SLC14A2: variants seen among roughly 807,000 people sequenced by gnomAD.
The protein encoded by SLC14A2 is solute carrier family 14 member 2, also known as urea transporter 2.
In SLC14A2, 91 loss-of-function variants were observed where a neutral mutation model predicts 104.6. The ratio of observed to expected loss-of-function variants is 0.87; its 90% confidence interval spans 0.73 to 1.04. The LOEUF (loss-of-function observed/expected upper bound fraction) is 1.04. Ranked by LOEUF, SLC14A2 falls within the 50% of genes least tolerant of loss-of-function variation. SLC14A2 has a pLI of 0.00. For synonymous variants in SLC14A2, 476 were observed against 466.4 expected, an observed-to-expected ratio of 1.02 and a Z score of -0.27; for missense variants, 1,189 against 1,156.0, an observed-to-expected ratio of 1.03 and a Z score of -0.41.
intron 1 of SLC14A2, among the ~76,000 whole-genome samples, chr18:45,367,485 A>G (rs1450131704): frequency 6.6e-6 from 1 of 152,210 alleles, no homozygotes; most frequent in Admixed American, 6.5e-5. Context: ...CCCATTTTAA[A>G]TGGCACATTG....
At chr18:45,540,630 A>C (rs927853439) in intron 2 of SLC14A2, among the ~76,000 whole-genome samples, 3 of 152,130 alleles carry the variant, frequency 2.0e-5, no homozygotes. Flanking sequence ...CTATAATCCC[A>C]GCTACTCAGG....
intron 1 of SLC14A2, among the ~76,000 whole-genome samples, chr18:45,371,737 A>T (rs967600310): frequency 1.3e-5 from 2 of 152,242 alleles, no homozygotes; most frequent in Admixed American, 6.5e-5. Context: ...TAGCCCAGAG[A>T]AGAAGCTCAA....
At chr18:45,444,186 G>C (rs975983703) in intron 1 of SLC14A2, among the ~76,000 whole-genome samples, 2 of 152,202 alleles carry the variant, frequency 1.3e-5, no homozygotes, top group African/African-American at 4.8e-5. Flanking sequence ...CTGTTCTAAG[G>C]TTTTCTGAGG....
At chr18:45,194,781 G>T in the SLC14A2 span, among the ~76,000 whole-genome samples, 1 of 151,676 alleles carries the variant, frequency 6.6e-6, no homozygotes, top group Non-Finnish European at 1.5e-5. Flanking sequence ...GAGTAGCTGG[G>T]ACTACAGGCA....
In SLC14A2 at chr18:45,627,004, C is replaced by T. The variant is rs150807219; in HGVS notation, c.378C>T (p.Thr126=). 26 of 1,612,716 alleles carry T rather than the reference C, an allele frequency of 1.6e-5. No homozygotes were observed. Among genetic ancestry groups the T allele is most frequent in the African/African-American group, 5.3e-5 (4 of 75,006 alleles). ...TCATAGACTGGGTCCTGAGAGGGAC[C>T]GCTCAGGTGATGTTCATCAACAATC... ...LQFIDWVLRG[T]AQVMFINNPL... Residue 126 remains threonine, a synonymous_variant, in exon 4 of 20, where the codon ACC becomes ACT. Coordinates refer to ENST00000255226, the MANE Select transcript of SLC14A2 (RefSeq NM_007163.4).
intron 1 of SLC14A2, among the ~76,000 whole-genome samples, chr18:45,464,177 T>C (rs1392995502): frequency 6.6e-6 from 1 of 152,198 alleles, no homozygotes; most frequent in Non-Finnish European, 1.5e-5. Context: ...AAAACGAACA[T>C]TTCCTCAGGA....
At chr18:45,653,799 T>A (rs1456649214) in intron 10 of SLC14A2, among the ~76,000 whole-genome samples, 2 of 152,160 alleles carry the variant, frequency 1.3e-5, no homozygotes, top group African/African-American at 2.4e-5. Flanking sequence ...TATTGGGCTG[T>A]GCAGAAATTT....
At chr18:45,173,898 A>G in the SLC14A2 span, among the ~76,000 whole-genome samples, 6 of 152,204 alleles carry the variant, frequency 3.9e-5, no homozygotes, top group East Asian at 1.9e-4. Flanking sequence ...AAGTAGTGCA[A>G]CCTGTCTCAG....
intron 6 of SLC14A2, among the ~76,000 whole-genome samples, chr18:45,637,890 C>G (rs948755384): frequency 6.6e-6 from 1 of 152,210 alleles, no homozygotes; most frequent in South Asian, 2.1e-4. Context: ...GCACACCTGA[C>G]TGCCCTTCAC....
At chr18:45,435,306 G>A (rs2086578771) in intron 1 of SLC14A2, 1 of 152,180 alleles carries the variant, frequency 6.6e-6, no homozygotes, top group Admixed American at 6.6e-5. Context: ...AAACATGCTA[G>A]CAGGAAGATA....
chr18:45,185,042 G>A, the SLC14A2 span, among the ~76,000 whole-genome samples: 1 of 152,206 alleles, frequency 6.6e-6, no homozygotes, highest in Non-Finnish European at 1.5e-5. Flanking sequence ...AAGTAGGAGT[G>A]AGGAAAAGTG....
At chr18:45,177,690 A>G in the SLC14A2 span, among the ~76,000 whole-genome samples, 1 of 152,154 alleles carries the variant, frequency 6.6e-6, no homozygotes, top group African/African-American at 2.4e-5. Context: ...ACAATATACA[A>G]TAATTCACAA....
intron 1 of SLC14A2, among the ~76,000 whole-genome samples, chr18:45,432,832 C>A (rs935178543): frequency 6.6e-6 from 1 of 152,136 alleles, no homozygotes; most frequent in South Asian, 2.1e-4. Context: ...TACTGCCTGA[C>A]CCTGAGTCAT....
At chr18:45,532,336 T>G (rs187541454) in intron 2 of SLC14A2, among the ~76,000 whole-genome samples, 4 of 152,364 alleles carry the variant, frequency 2.6e-5, no homozygotes, top group African/African-American at 9.6e-5. Context: ...CCAATGAGCA[T>G]GGAATGTTCT....
the SLC14A2 span, among the ~76,000 whole-genome samples, chr18:45,192,527 C>T: frequency 6.6e-6 from 1 of 152,142 alleles, no homozygotes; most frequent in African/African-American, 2.4e-5. Context: ...TTTTATATCC[C>T]CACAGCAGTG....
At chr18:45,302,724 T>A (rs2084980361) in intron 1 of SLC14A2, among the ~76,000 whole-genome samples, 1 of 152,222 alleles carries the variant, frequency 6.6e-6, no homozygotes, top group Admixed American at 6.5e-5. Context: ...TGTACAGCAA[T>A]GCACTATGGG....
chr18:45,681,699 G>GCACACATCCCCCAATGGC (rs2046311342), intron 19 of SLC14A2, among the ~76,000 whole-genome samples: 1 of 152,120 alleles, frequency 6.6e-6, no homozygotes, highest in South Asian at 2.1e-4. Context: ...TACTTCTACT[G>GCACACATCCCCCAATGGC]CACACATCCC....
Position 45,671,137 on chromosome 18 carries a change from G to A in SLC14A2, c.2229+1639G>A, listed in dbSNP as rs529688141. On this transcript the variant is annotated intron_variant, in intron 16 of 19. Coordinates refer to ENST00000255226, the MANE Select transcript of SLC14A2 (RefSeq NM_007163.4). ...CTTGCTCTAAGTGGCATGCTATGGG[G>A]AAATGATGTCAGAAAATGCAGATTT... is the stretch of plus-strand genomic sequence containing the variant. 1.1e-3 allele frequency among the ~76,000 whole-genome samples: 172 copies of A among 152,244 alleles called. 1 individual carries two copies. The highest frequency in any genetic ancestry group is 4.0e-3 in the African/African-American group (167 of 41,538).
chr18:45,413,078 G>T (rs1302913494), intron 1 of SLC14A2, among the ~76,000 whole-genome samples: 1 of 152,160 alleles, frequency 6.6e-6, no homozygotes, highest in Non-Finnish European at 1.5e-5. Flanking sequence ...TCATTAGGGA[G>T]AAGATAAAGA....
Sources: gnomAD v4.1 joint callset for allele counts (sites outside exome capture counted in the v4.1 genomes callset) on GRCh38, gnomAD v4.1.1 for gene constraint, MANE v1.5 for transcripts, NCBI Gene and HGNC (gene_info 2026-07-23, HGNC 2026-07-21) for gene names.